GBE1: variants seen among roughly 807,000 people sequenced by gnomAD.
The protein encoded by GBE1 is 1,4-alpha-glucan branching enzyme 1, also known as 1,4-alpha-glucan-branching enzyme.
A neutral mutation model predicts 88.8 loss-of-function variants in GBE1; 70 were observed. The ratio of observed to expected loss-of-function variants is 0.79; its 90% CI spans 0.65 to 0.96. The LOEUF (loss-of-function observed/expected upper bound fraction) is 0.96, where lower values mean the gene tolerates loss of function less well. GBE1 is among the 40% of genes least tolerant of loss of function. GBE1 has a pLI of 0.00. For synonymous variants in GBE1, 284 were observed against 300.1 expected, an observed-to-expected ratio of 0.95 and a Z score of 0.56; for missense variants, 872 against 871.0, an observed-to-expected ratio of 1.00 and a Z score of -0.01.
At chr3:81,568,631 C>CATTAACTCA (rs1703529699) in intron 12 of GBE1, among the ~76,000 whole-genome samples, 1 of 152,116 alleles carries the variant, frequency 6.6e-6, no homozygotes, top group Admixed American at 6.5e-5. Context: ...TACTTAGTAA[C>CATTAACTCA]TACCTGAGTT....
chr3:81,536,107 C>T (rs770861584), intron 13 of GBE1, among the ~76,000 whole-genome samples: 35 of 151,806 alleles, frequency 2.3e-4, no homozygotes, highest in Non-Finnish European at 4.7e-4. Context: ...AAAGGAGCAT[C>T]ATTTTGCTCT....
intron 2 of GBE1, among the ~76,000 whole-genome samples, chr3:81,676,718 G>T (rs1487463552): frequency 1.3e-5 from 2 of 152,016 alleles, no homozygotes; most frequent in East Asian, 3.8e-4. Context: ...GTATACATGT[G>T]CCATGGTGGA....
chr3:81,673,376 G>A (rs1030151792), intron 2 of GBE1, among the ~76,000 whole-genome samples: 19 of 151,784 alleles, frequency 1.3e-4, no homozygotes, highest in African/African-American at 3.9e-4. Context: ...ACCAAATTTA[G>A]TGCTCTAAAT....
chr3:81,693,679 A>G (rs1305180754), intron 2 of GBE1, among the ~76,000 whole-genome samples: 1 of 152,174 alleles, frequency 6.6e-6, no homozygotes, highest in Non-Finnish European at 1.5e-5. Context: ...TATTGAATTT[A>G]AATTCTGGAT....
In GBE1 at chr3:81,645,840, C is replaced by A. The variant is rs1704755539; in HGVS notation, c.782+552G>T. ...TGATGATGGGAGCAATGTCTATATG[C>A]CATACATCATAAACTCCATGACACT... On this transcript the variant is annotated intron_variant, in intron 6 of 15. Coordinates refer to ENST00000429644, the MANE Select transcript of GBE1 (RefSeq NM_000158.4). Among the ~76,000 whole-genome samples, 3 of 152,170 alleles carry A rather than the reference C, an allele frequency of 2.0e-5. No individual in the cohort carries two copies. In the South Asian group the frequency reaches 6.2e-4, roughly 31 times the overall value.
chr3:81,545,056 G>A (rs1001123208), intron 12 of GBE1, among the ~76,000 whole-genome samples: 2 of 152,028 alleles, frequency 1.3e-5, no homozygotes, highest in East Asian at 1.9e-4. Context: ...ATATAAAAAC[G>A]TTAGCGCCTA....
chr3:81,722,891 T>C (rs941564819), intron 1 of GBE1, among the ~76,000 whole-genome samples: 1 of 108,596 alleles, frequency 9.2e-6, no homozygotes, highest in African/African-American at 3.8e-5. Context: ...TGTGTGTGTG[T>C]GTGTGTATAT....
At chr3:81,510,869 T>G (rs1702717447) in intron 14 of GBE1, among the ~76,000 whole-genome samples, 1 of 152,076 alleles carries the variant, frequency 6.6e-6, no homozygotes, top group African/African-American at 2.4e-5. Flanking sequence ...TAATGTGTTA[T>G]ATACTTGAAA....
intron 12 of GBE1, among the ~76,000 whole-genome samples, chr3:81,539,249 C>T (rs1286816128): frequency 6.6e-6 from 1 of 151,926 alleles, no homozygotes; most frequent in Non-Finnish European, 1.5e-5. Flanking sequence ...AAATACAGGG[C>T]TAAGAATGAC....
At chr3:81,727,334 AG>A (rs1347652332) in intron 1 of GBE1, among the ~76,000 whole-genome samples, 2 of 152,190 alleles carry the variant, frequency 1.3e-5, no homozygotes, top group Non-Finnish European at 2.9e-5. Flanking sequence ...ACCATGAGAA[AG>A]GGGAAAAAAT....
intron 1 of GBE1, among the ~76,000 whole-genome samples, chr3:81,750,527 A>ATATATATATATGTATATATATG (rs1706482329): frequency 1.2e-4 from 10 of 80,992 alleles, no homozygotes; most frequent in African/African-American, 7.7e-4. Context: ...AAACATTCAT[A>ATATATATATATGTATATATATG]TATATATATA....
intron 7 of GBE1, among the ~76,000 whole-genome samples, chr3:81,626,951 T>C (rs1439825493): frequency 6.6e-6 from 1 of 152,198 alleles, no homozygotes; most frequent in Non-Finnish European, 1.5e-5. Context: ...ACACCTTTCA[T>C]GTATCACACT....
chr3:81,552,380 C>T lies in GBE1; in HGVS notation c.1619-15285G>A, dbSNP rs748672661. 1.1e-4 allele frequency among the ~76,000 whole-genome samples: 17 copies of T among 151,800 alleles called. No homozygotes were observed. The East Asian group carries it at 1.9e-3, about 17-fold the overall frequency. On this transcript the variant is annotated intron_variant, in intron 12 of 15. Coordinates refer to ENST00000429644, the MANE Select transcript of GBE1 (RefSeq NM_000158.4). ...TAAAAATACAAAAATTAGCTGAGCG[C>T]GTGGCAGGCACCTGTAATTCCAGCT...
chr3:81,611,998 C>G (rs1186067229), intron 7 of GBE1, among the ~76,000 whole-genome samples: 1 of 151,916 alleles, frequency 6.6e-6, no homozygotes, highest in African/African-American at 2.4e-5. Context: ...GACATCATGC[C>G]TAGTAAAAGC....
At chr3:81,551,955 G>A (rs557007194) in intron 12 of GBE1, among the ~76,000 whole-genome samples, 2 of 152,240 alleles carry the variant, frequency 1.3e-5, no homozygotes, top group African/African-American at 4.8e-5. Flanking sequence ...TTAGAACTAG[G>A]GAAGCATGCT....
chr3:81,637,895 T>C lies in GBE1; in HGVS notation c.992+4886A>G, dbSNP rs141330039. Among the ~76,000 whole-genome samples the C allele has an allele frequency of 1.2e-3, 183 of 152,202 alleles. No individual in the cohort carries two copies. In the Middle Eastern group the frequency reaches 0.017, roughly 14 times the overall value. Reference sequence around the variant, plus strand: ...ATTTTGTTTAGAATACTTACATCTATGGTCATGAGGGCTTACCTCAGGAAT... The same window carrying C: ...ATTTTGTTTAGAATACTTACATCTACGGTCATGAGGGCTTACCTCAGGAAT... On this transcript the variant is annotated intron_variant, in intron 7 of 15. Coordinates refer to ENST00000429644, the MANE Select transcript of GBE1 (RefSeq NM_000158.4).
chr3:81,665,888 C>A (rs1448370579), intron 3 of GBE1, among the ~76,000 whole-genome samples: 1 of 151,958 alleles, frequency 6.6e-6, no homozygotes, highest in Non-Finnish European at 1.5e-5. Context: ...TTTAATACCT[C>A]AAGAAAGCAT....
intron 12 of GBE1, among the ~76,000 whole-genome samples, chr3:81,575,603 A>G (rs1477020383): frequency 1.3e-5 from 2 of 152,200 alleles, no homozygotes; most frequent in Admixed American, 1.3e-4. Flanking sequence ...CCTGGAGGAA[A>G]ATAAAAAATA....
rs139275827 is a variant in GBE1, at chr3:81,572,686, A to G, written c.1618+5239T>C. Among the ~76,000 whole-genome samples, 429 of 152,344 alleles carry G rather than the reference A, an allele frequency of 2.8e-3. 1 individual carries two copies. Among genetic ancestry groups the G allele is most frequent in the South Asian group, 5.6e-3 (27 of 4,832 alleles). On this transcript the variant is annotated intron_variant, in intron 12 of 15. Transcript: ENST00000429644. ...ACATCTGTACATGTTTATATATTTAAAATGAATTAAATATTTGGTTTCTTC... is the reference window on the plus strand; with the variant it reads ...ACATCTGTACATGTTTATATATTTAGAATGAATTAAATATTTGGTTTCTTC...
Sources: gnomAD v4.1 joint callset for allele counts (sites outside exome capture counted in the v4.1 genomes callset) on GRCh38, gnomAD v4.1.1 for gene constraint, MANE v1.5 for transcripts, NCBI Gene and HGNC (gene_info 2026-07-23, HGNC 2026-07-21) for gene names.